BTAF1: variants seen among roughly 807,000 people sequenced by gnomAD.
The protein encoded by BTAF1 is B-TFIID TATA-box binding protein associated factor 1, also known as TATA-binding protein-associated factor 172.
A neutral mutation model predicts 227.1 loss-of-function variants in BTAF1; 38 were observed. The observed-to-expected ratio is 0.17, with a 90% CI of 0.13 to 0.22. The LOEUF is 0.22. Ranked by LOEUF, BTAF1 falls within the 10% of genes least tolerant of loss-of-function variation. The probability of loss-of-function intolerance (pLI) is 1.00; values close to 1 mark genes in which losing one functional copy is unlikely to be tolerated. For synonymous variants in BTAF1, 742 were observed against 751.9 expected (o/e 0.99, Z 0.21); for missense variants, 1,598 against 2,204.0 (o/e 0.73, Z 5.51).
At chr10:91,964,025 TGTGA>T in intron 12 of BTAF1, 48 bp from the exon 13 acceptor site, 8 of 1,602,142 alleles carry the variant, frequency 5.0e-6, no homozygotes, top group African/African-American at 1.3e-5. Context: ...TGGCAGGGTT[TGTGA>T]GTATTTTGTG....
chr10:91,958,224 A>C (rs1846233896), intron 8 of BTAF1, among the ~76,000 whole-genome samples: 1 of 151,898 alleles, frequency 6.6e-6, no homozygotes, highest in South Asian at 2.1e-4. Flanking sequence ...ACTTTTAAAA[A>C]TATTTTTATT....
In BTAF1 at chr10:91,989,311, G is replaced by T; in HGVS notation, c.2585G>T (p.Cys862Phe). ...TTGAGAGTGCATACTTTTGCTGCCTGTGCAGTTGTGAGCTTGCAGCAGCTT... is the reference window on the plus strand; with the variant it reads ...TTGAGAGTGCATACTTTTGCTGCCTTTGCAGTTGTGAGCTTGCAGCAGCTT... The part of the protein sequence containing the change: ...LQLRVHTFAA[C>F]AVVSLQQLPE... The change falls in exon 20 of 38, where the codon TGT (cysteine) becomes TTT (phenylalanine). Residue 862 changes from cysteine (C) to phenylalanine (F), a missense_variant. Around this residue, in one of 10 missense-constraint regions of BTAF1, gnomAD observed 425 missense variants for 491.2 expected, o/e 0.87. Coordinates refer to ENST00000265990, the MANE Select transcript of BTAF1 (RefSeq NM_003972.3). 6.2e-7 allele frequency: 1 copy of T among 1,614,150 alleles called. No homozygotes were observed. Among genetic ancestry groups the T allele is most frequent in the East Asian group, 2.2e-5 (1 of 44,874 alleles).
At chr10:92,005,206 G>T (rs1022902428) in intron 25 of BTAF1, among the ~76,000 whole-genome samples, 1 of 151,798 alleles carries the variant, frequency 6.6e-6, no homozygotes, top group Non-Finnish European at 1.5e-5. Context: ...GATTGCTTTG[G>T]CTATCTGGGG....
At chr10:91,951,619 T>C in intron 5 of BTAF1, 53 bp downstream of exon 5, 1 of 1,498,288 alleles carries the variant, frequency 6.7e-7, no homozygotes, top group Non-Finnish European at 8.9e-7. Flanking sequence ...AAGGGTTTGC[T>C]TCATTTTGTT....
At chr10:91,932,801 A>G (rs180918990) in intron 1 of BTAF1, among the ~76,000 whole-genome samples, 1 of 152,364 alleles carries the variant, frequency 6.6e-6, no homozygotes, top group Non-Finnish European at 1.5e-5. Context: ...GAACAGTTGA[A>G]CAAAGAGAAA....
intron 4 of BTAF1, among the ~76,000 whole-genome samples, chr10:91,944,821 G>A (rs1038677313): frequency 6.6e-6 from 1 of 152,146 alleles, no homozygotes; most frequent in Admixed American, 6.5e-5. Flanking sequence ...CCACATAACA[G>A]CATTTAAGTC....
Position 92,016,328 on chromosome 10 carries a change from G to C in BTAF1, c.4585-12G>C, listed in dbSNP as rs1850722399. 4 of 1,585,536 alleles carry C rather than the reference G, an allele frequency of 2.5e-6. No homozygotes were observed. Among genetic ancestry groups the C allele is most frequent in the Non-Finnish European group, 3.4e-6 (4 of 1,170,714 alleles). On this transcript the variant is annotated splice_polypyrimidine_tract_variant and intron_variant, in intron 32 of 37. Coordinates refer to ENST00000265990, the MANE Select transcript of BTAF1 (RefSeq NM_003972.3). ...TATACTTAAAGCTTCTCCCACGGGG[G>C]CCATTTTACAGGTTCAGCTCTATGA... is the stretch of plus-strand genomic sequence containing the variant.
intron 24 of BTAF1, chr10:91,997,197 T>C: frequency 1.6e-6 from 2 of 1,249,282 alleles, no homozygotes; most frequent in Non-Finnish European, 2.1e-6. Context: ...TGCTGGTGAT[T>C]GTCAAGATCC....
At chr10:91,945,239 T>C (rs1055056110) in intron 4 of BTAF1, among the ~76,000 whole-genome samples, 3 of 152,180 alleles carry the variant, frequency 2.0e-5, no homozygotes, top group Non-Finnish European at 4.4e-5. Flanking sequence ...TCAGTACTTT[T>C]TTTTCTTTTC....
intron 37 of BTAF1, among the ~76,000 whole-genome samples, chr10:92,027,912 G>T (rs1484329514): frequency 2.0e-5 from 3 of 152,090 alleles, no homozygotes; most frequent in Non-Finnish European, 2.9e-5. Flanking sequence ...TTATGGTGGG[G>T]TATATGATGA....
chr10:91,945,352 TA>T (rs1845294156), intron 4 of BTAF1, among the ~76,000 whole-genome samples: 1 of 152,202 alleles, frequency 6.6e-6, no homozygotes, highest in Admixed American at 6.5e-5. Flanking sequence ...AACTTAAGTT[TA>T]GTAATGTTAA....
intron 19 of BTAF1, among the ~76,000 whole-genome samples, chr10:91,985,174 A>G (rs1402065672): frequency 2.6e-5 from 4 of 152,070 alleles, no homozygotes; most frequent in Admixed American, 2.6e-4. Context: ...CCATTATTCT[A>G]ATTCCCCCCC....
intron 34 of BTAF1, 64 bp downstream of exon 34, chr10:92,018,999 T>A: frequency 7.2e-7 from 1 of 1,380,276 alleles, no homozygotes; most frequent in Non-Finnish European, 9.5e-7. Flanking sequence ...CTTGGTAAAT[T>A]TGCTTTTCTT....
chr10:91,951,948 G>A (rs774862632), intron 5 of BTAF1, among the ~76,000 whole-genome samples: 15 of 151,890 alleles, frequency 9.9e-5, no homozygotes, highest in Non-Finnish European at 2.2e-4. Flanking sequence ...TTAGTGTTAT[G>A]ATTTATTCTT....
chr10:92,011,999 G>A (rs993020142), intron 30 of BTAF1, among the ~76,000 whole-genome samples: 9 of 151,252 alleles, frequency 6.0e-5, no homozygotes, highest in South Asian at 2.1e-4. Context: ...AGTAGACACC[G>A]TGTGACCTCT....
intron 1 of BTAF1, among the ~76,000 whole-genome samples, chr10:91,927,353 G>C (rs1254457624): frequency 1.3e-5 from 2 of 152,016 alleles, no homozygotes; most frequent in Non-Finnish European, 2.9e-5. Flanking sequence ...GGTCAGGCTG[G>C]CCTCGAACTC....
intron 11 of BTAF1, among the ~76,000 whole-genome samples, chr10:91,961,328 G>T (rs1016372792): frequency 6.6e-6 from 1 of 152,148 alleles, no homozygotes; most frequent in Non-Finnish European, 1.5e-5. Context: ...TATCCATTAT[G>T]GCTACTTAAT....
At chr10:91,987,602 G>T (rs1441826723) in intron 19 of BTAF1, among the ~76,000 whole-genome samples, 2 of 152,016 alleles carry the variant, frequency 1.3e-5, no homozygotes, top group Non-Finnish European at 2.9e-5. Flanking sequence ...GGCAGCCTCT[G>T]GTCCATTTCA....
chr10:92,016,288 A>G lies in BTAF1; in HGVS notation c.4585-52A>G, dbSNP rs1337715875. Reference sequence around the variant, plus strand: ...GGCCTTTGCTGGTTATGTGTTTTGAACAATTGAAAATAAATATACTTAAAG... The same window carrying G: ...GGCCTTTGCTGGTTATGTGTTTTGAGCAATTGAAAATAAATATACTTAAAG... On this transcript the variant is annotated intron_variant, in intron 32 of 37. Transcript: ENST00000265990. 14 of 1,552,988 alleles carry G rather than the reference A, an allele frequency of 9.0e-6. No individual in the cohort carries two copies. The Admixed American group carries it at 3.2e-4, about 35-fold the overall frequency.
Sources: gnomAD v4.1 joint callset for allele counts (sites outside exome capture counted in the v4.1 genomes callset) on GRCh38, gnomAD v4.1.1 for gene constraint, gnomAD v4.1.1 regional missense constraint, MANE v1.5 for transcripts, NCBI Gene and HGNC (gene_info 2026-07-23, HGNC 2026-07-21) for gene names.